The following FAM13A variants were observed in gnomAD, a reference collection of about 807,000 sequenced individuals.
FAM13A encodes family with sequence similarity 13 member A, also known as protein FAM13A.
A neutral mutation model predicts 129.6 loss-of-function variants in FAM13A; 76 were observed. That is an observed-to-expected ratio of 0.59 (90% CI 0.49 to 0.71). The LOEUF (loss-of-function observed/expected upper bound fraction) is 0.71. Ranked by LOEUF, FAM13A falls within the 30% of genes least tolerant of loss-of-function variation. The pLI is 0.00. For missense variants in FAM13A, 1,108 were observed against 1,249.3 expected (o/e 0.89, Z 1.70); for synonymous variants, 443 against 449.9 (o/e 0.98, Z 0.20).
chr4:89,029,796 C>T lies in FAM13A; in HGVS notation c.28-147G>A, dbSNP rs563851314. ...CTTCAACTCAAATCAAAATCTCTAA[C>T]ATCTCTCACATGTTGCTCAGATATA... On this transcript the variant is annotated intron_variant, in intron 1 of 23. Transcript: ENST00000264344. 22 of 696,966 alleles carry T rather than the reference C, an allele frequency of 3.2e-5. No homozygotes were observed. The African/African-American group carries it at 3.4e-4, about 11-fold the overall frequency. 43.2% of individuals were successfully genotyped at this position (696,966 alleles called of 1,614,324 possible).
chr4:88,798,171 T>C (rs1042893110), intron 8 of FAM13A, among the ~76,000 whole-genome samples: 1 of 152,350 alleles, frequency 6.6e-6, no homozygotes, highest in African/African-American at 2.4e-5. Flanking sequence ...AATGCCTACT[T>C]AGGTGGACTT....
chr4:89,029,361 G>T, intron 2 of FAM13A, 99 bp downstream of exon 2: 1 of 958,672 alleles, frequency 1.0e-6, no homozygotes, highest in Non-Finnish European at 1.6e-6. Context: ...AGGTGCTTTA[G>T]AGGATAGCCT....
chr4:88,805,328 G>C (rs1728341447), intron 7 of FAM13A, among the ~76,000 whole-genome samples: 1 of 152,142 alleles, frequency 6.6e-6, no homozygotes, highest in Non-Finnish European at 1.5e-5. Context: ...CCTTATTCTA[G>C]AGGCCCAATT....
chr4:88,944,644 G>A lies in FAM13A; in HGVS notation c.606-6403C>T, dbSNP rs138216874. Among the ~76,000 whole-genome samples the A allele has an allele frequency of 7.7e-3, 1,176 of 152,332 alleles. 5 individuals carry two copies. Among genetic ancestry groups the A allele is most frequent in the Non-Finnish European group, 0.013 (915 of 68,020 alleles). On this transcript the variant is annotated intron_variant, in intron 4 of 23. Coordinates refer to ENST00000264344, the MANE Select transcript of FAM13A (RefSeq NM_014883.4). Reference sequence around the variant, plus strand: ...TGGCAGGGCATGGTGGCTCACGCCTGTAATCCCAGCACTTTGGGAGGCCGA... The same window carrying A: ...TGGCAGGGCATGGTGGCTCACGCCTATAATCCCAGCACTTTGGGAGGCCGA...
intron 7 of FAM13A, among the ~76,000 whole-genome samples, chr4:88,818,799 CAG>C (rs1160649693): frequency 5.9e-5 from 9 of 152,170 alleles, no homozygotes; most frequent in East Asian, 1.9e-4. Flanking sequence ...TTAGGAAAAA[CAG>C]AGACTTCTAG....
At chr4:88,779,109 GTTA>G (rs1722337109) in intron 11 of FAM13A, among the ~76,000 whole-genome samples, 1 of 151,854 alleles carries the variant, frequency 6.6e-6, no homozygotes, top group Non-Finnish European at 1.5e-5. Flanking sequence ...ATTTATCTTG[GTTA>G]TTGTCTGTTT....
At chr4:88,870,188 G>C (rs1216087181) in intron 6 of FAM13A, among the ~76,000 whole-genome samples, 1 of 152,024 alleles carries the variant, frequency 6.6e-6, no homozygotes, top group East Asian at 1.9e-4. Context: ...AATAGGAACA[G>C]CTCCGGTCTG....
At chr4:89,035,404 A>G (rs1386498377) in intron 1 of FAM13A, among the ~76,000 whole-genome samples, 1 of 151,916 alleles carries the variant, frequency 6.6e-6, no homozygotes, top group African/African-American at 2.4e-5. Context: ...ATGTACTCTT[A>G]GCTACTTCCA....
chr4:88,915,755 T>TAAAGGGCCTAAAGGGC (rs1171102837), intron 5 of FAM13A, among the ~76,000 whole-genome samples: 2 of 152,194 alleles, frequency 1.3e-5, no homozygotes, highest in Non-Finnish European at 2.9e-5. Flanking sequence ...TGAGAGGCCC[T>TAAAGGGCCTAAAGGGC]TTAAGCAGTG....
rs1384674033 is a variant in FAM13A at position 89,020,517 on chromosome 4, G to C, written c.370C>G (p.Leu124Val). ...ASLLKLFLRE[L>V]PDSLITSALQ... ...GCTGAGGTGATCAGACTGTCAGGCA[G>C]CTCCCTCAGAAACAGCTTCAACAGA... The change falls in exon 3 of 24, where the codon CTG (leucine) becomes GTG (valine). Residue 124 changes from leucine (L) to valine (V), a missense_variant. Coordinates refer to ENST00000264344, the MANE Select transcript of FAM13A (RefSeq NM_014883.4). 2 of 1,613,988 alleles carry C rather than the reference G, an allele frequency of 1.2e-6. No homozygotes were observed. Among genetic ancestry groups the C allele is most frequent in the Non-Finnish European group, 1.7e-6 (2 of 1,179,946 alleles).
At chr4:88,790,316 A>G (rs1724864604) in intron 9 of FAM13A, among the ~76,000 whole-genome samples, 1 of 152,098 alleles carries the variant, frequency 6.6e-6, no homozygotes, top group Non-Finnish European at 1.5e-5. Flanking sequence ...GCTAATATTA[A>G]TTGATCCTGG....
chr4:89,003,373 G>A (rs561595621), intron 3 of FAM13A, among the ~76,000 whole-genome samples: 2 of 152,104 alleles, frequency 1.3e-5, no homozygotes, highest in Non-Finnish European at 2.9e-5. Flanking sequence ...CACTTTGGGA[G>A]GCTGAGGTGG....
rs137920909 is a variant in FAM13A, at chr4:88,834,270, T to G, written c.1007+16750A>C. ...TCAGTGCATCAAATAATTGTTTGTA[T>G]GTTTATATTATCTTTTCTTAGTGTC... On this transcript the variant is annotated intron_variant, in intron 7 of 23. Transcript: ENST00000264344. 1.8e-4 allele frequency among the ~76,000 whole-genome samples: 28 copies of G among 152,008 alleles called. No homozygotes were observed. In the East Asian group the frequency reaches 5.2e-3, roughly 28 times the overall value.
At chr4:88,787,691 G>C in intron 10 of FAM13A, 62 bp downstream of exon 10, 1 of 1,487,598 alleles carries the variant, frequency 6.7e-7, no homozygotes, top group South Asian at 1.2e-5. Context: ...CGACTAATTT[G>C]GGTGTATATT....
At chr4:89,010,724 T>G (rs191328420) in intron 3 of FAM13A, among the ~76,000 whole-genome samples, 18 of 152,298 alleles carry the variant, frequency 1.2e-4, no homozygotes, top group Non-Finnish European at 7.4e-5. Flanking sequence ...ACTGGCCCTC[T>G]GCCATCATGT....
At chr4:89,011,482 T>C (rs1269721722) in intron 3 of FAM13A, among the ~76,000 whole-genome samples, 1 of 152,218 alleles carries the variant, frequency 6.6e-6, no homozygotes, top group Non-Finnish European at 1.5e-5. Flanking sequence ...TCTCTGCATG[T>C]AGCATCTTCC....
intron 5 of FAM13A, among the ~76,000 whole-genome samples, chr4:88,935,848 G>A (rs1229867381): frequency 2.0e-5 from 3 of 151,868 alleles, no homozygotes; most frequent in East Asian, 1.9e-4. Context: ...ATCCTTACTC[G>A]TTACGATTAA....
At chr4:88,756,912 GA>G (rs2149498001) in intron 14 of FAM13A, among the ~76,000 whole-genome samples, 1 of 152,022 alleles carries the variant, frequency 6.6e-6, no homozygotes, top group South Asian at 2.1e-4. Context: ...AGATTTTAAA[GA>G]TATGTACATT....
chr4:88,752,600 A>G (rs116266858), intron 14 of FAM13A, among the ~76,000 whole-genome samples: 1 of 152,170 alleles, frequency 6.6e-6, no homozygotes, highest in Non-Finnish European at 1.5e-5. Flanking sequence ...TGCCTGGCTA[A>G]AGCTGGACAC....
Sources: allele counts gnomAD v4.1 joint callset (sites outside exome capture counted in the v4.1 genomes callset), GRCh38; gene constraint gnomAD v4.1.1; transcripts MANE v1.5; gene names NCBI Gene and HGNC (gene_info 2026-07-23, HGNC 2026-07-21).